The following MCTP2 variants were observed in gnomAD, a reference collection of about 807,000 sequenced individuals.
MCTP2 encodes multiple C2 and transmembrane domain containing 2.
MCTP2 carries 132 observed loss-of-function variants against 111.6 expected under a neutral mutation model. That is an observed-to-expected ratio of 1.18 (90% CI 1.03 to 1.37). The LOEUF (loss-of-function observed/expected upper bound fraction) is 1.37. Among genes scored for constraint, MCTP2 ranks in the 40% most tolerant of loss-of-function variants. The probability of loss-of-function intolerance (pLI) is 0.00; values close to 1 mark genes in which losing one functional copy is unlikely to be tolerated. For missense variants in MCTP2, 1,183 were observed against 1,067.9 expected (o/e 1.11, Z -1.50); for synonymous variants, 395 against 387.7 (o/e 1.02, Z -0.22).
At chr15:94,414,653 A>G (rs2082297208) in intron 17 of MCTP2, among the ~76,000 whole-genome samples, 1 of 152,082 alleles carries the variant, frequency 6.6e-6, no homozygotes, top group African/African-American at 2.4e-5. Flanking sequence ...CAGTGCAAGG[A>G]TTTTATTTGA....
intron 17 of MCTP2, among the ~76,000 whole-genome samples, chr15:94,406,134 G>A (rs1469378553): frequency 1.3e-5 from 2 of 152,118 alleles, no homozygotes; most frequent in African/African-American, 4.8e-5. Flanking sequence ...TTGACTATTT[G>A]AACTATTATT....
chr15:94,265,570 T>C (rs1347047742), intron 1 of MCTP2, among the ~76,000 whole-genome samples: 1 of 152,234 alleles, frequency 6.6e-6, no homozygotes, highest in Admixed American at 6.5e-5. Flanking sequence ...AAATAGCTTA[T>C]ATAAGATGTA....
chr15:94,371,773 C>T (rs538458107), intron 12 of MCTP2, among the ~76,000 whole-genome samples: 20 of 152,292 alleles, frequency 1.3e-4, no homozygotes, highest in Middle Eastern at 6.8e-3. Flanking sequence ...ACTGCAACCT[C>T]CGCCTACTGG....
chr15:94,243,658 T>G (rs1482180365), intron 1 of MCTP2, among the ~76,000 whole-genome samples: 3 of 148,514 alleles, frequency 2.0e-5, no homozygotes, highest in African/African-American at 7.4e-5. Context: ...TGTATACACA[T>G]ATGCGTATAT....
intron 22 of MCTP2, among the ~76,000 whole-genome samples, chr15:94,478,198 C>G (rs1030309322): frequency 6.6e-6 from 1 of 152,178 alleles, no homozygotes; most frequent in African/African-American, 2.4e-5. Flanking sequence ...ACACTGTATC[C>G]TTGAAGAACA....
intron 1 of MCTP2, among the ~76,000 whole-genome samples, chr15:94,286,282 CCTTTAT>C: frequency 6.6e-6 from 1 of 152,236 alleles, no homozygotes; most frequent in South Asian, 2.1e-4. Context: ...ATTACATTTG[CCTTTAT>C]CTTTATCATA....
At chr15:94,303,642 G>A (rs375492733) in intron 2 of MCTP2, among the ~76,000 whole-genome samples, 67 of 152,242 alleles carry the variant, frequency 4.4e-4, no homozygotes, top group African/African-American at 1.3e-3. Flanking sequence ...GAGTTGCCCC[G>A]TGGTTCAGTC....
intron 1 of MCTP2, among the ~76,000 whole-genome samples, chr15:94,293,413 C>T (rs2075117453): frequency 1.3e-5 from 2 of 152,152 alleles, no homozygotes; most frequent in African/African-American, 4.8e-5. Context: ...GACAGCTTAT[C>T]AAAGTAGATA....
chr15:94,361,710 A>G (rs1056388946), intron 10 of MCTP2, among the ~76,000 whole-genome samples: 4 of 152,228 alleles, frequency 2.6e-5, no homozygotes, highest in African/African-American at 9.6e-5. Context: ...CCTCCAAAAC[A>G]GCATAGAATT....
At chr15:94,449,119 AGGGG>A (rs1199428725) in intron 19 of MCTP2, among the ~76,000 whole-genome samples, 1 of 152,220 alleles carries the variant, frequency 6.6e-6, no homozygotes, top group Non-Finnish European at 1.5e-5. Flanking sequence ...ATTGATAGAA[AGGGG>A]GGATACCACT....
intron 1 of MCTP2, among the ~76,000 whole-genome samples, chr15:94,237,336 G>A (rs1567239106): frequency 6.6e-6 from 1 of 151,970 alleles, no homozygotes; most frequent in East Asian, 1.9e-4. Flanking sequence ...TGGCCTTTGA[G>A]ATATTTGAGA....
chr15:94,366,741 C>T (rs867622438), intron 10 of MCTP2, among the ~76,000 whole-genome samples: 2 of 152,078 alleles, frequency 1.3e-5, no homozygotes, highest in African/African-American at 4.8e-5. Context: ...ATACCATGCC[C>T]CACTTTACTC....
intron 8 of MCTP2, among the ~76,000 whole-genome samples, chr15:94,345,396 G>A (rs2077923433): frequency 6.8e-6 from 1 of 147,894 alleles, no homozygotes; most frequent in Admixed American, 7.4e-5. Flanking sequence ...TATATGTACC[G>A]GCCATGTTAG....
chr15:94,351,174 G>A (rs2078283973), intron 8 of MCTP2, among the ~76,000 whole-genome samples: 2 of 152,170 alleles, frequency 1.3e-5, no homozygotes, highest in South Asian at 4.1e-4. Flanking sequence ...TTTACATGTG[G>A]GAAATTTAAA....
chr15:94,409,123 A>G (rs2082034750), intron 17 of MCTP2, among the ~76,000 whole-genome samples: 1 of 152,172 alleles, frequency 6.6e-6, no homozygotes, highest in Non-Finnish European at 1.5e-5. Context: ...GGGCTGGGAA[A>G]GGCAGACCCA....
chr15:94,470,415 C>A lies in MCTP2; in HGVS notation c.2443C>A (p.Pro815Thr). The change falls in exon 21 of 23, where the codon CCA becomes ACA. Residue 815 changes from proline (P) to threonine (T), a missense_variant. Physicochemically the swap from Pro to Thr is conservative, Grantham distance 38. Coordinates refer to ENST00000357742, the MANE Select transcript of MCTP2 (RefSeq NM_001385001.1). ...AAATIILYFI[P>T]LRYIILIWGI... The stretch of plus-strand genomic sequence containing the variant: ...AGCCACCATCATTTTGTATTTCATT[C>A]CACTGCGGTACATCATTTTAATCTG... The A allele has an allele frequency of 6.2e-7, 1 of 1,612,482 alleles. No individual in the cohort carries two copies. The highest frequency in any genetic ancestry group is 8.5e-7 in the Non-Finnish European group (1 of 1,178,512).
chr15:94,380,779 A>AT (rs894966241), intron 12 of MCTP2, among the ~76,000 whole-genome samples: 1 of 151,768 alleles, frequency 6.6e-6, no homozygotes, highest in African/African-American at 2.4e-5. Flanking sequence ...AAAAAAAAAA[A>AT]GGGGGGGTTA....
chr15:94,249,548 C>T (rs1296336375), intron 1 of MCTP2, among the ~76,000 whole-genome samples: 5 of 151,364 alleles, frequency 3.3e-5, no homozygotes, highest in Admixed American at 6.6e-5. Context: ...TGCAGTGGCG[C>T]GATCTCAGCT....
intron 2 of MCTP2, among the ~76,000 whole-genome samples, chr15:94,306,863 G>C (rs1596317317): frequency 6.6e-6 from 1 of 152,198 alleles, no homozygotes; most frequent in Admixed American, 6.5e-5. Flanking sequence ...CTTCAGGTTA[G>C]TGATCACAGA....
Sources: allele counts gnomAD v4.1 joint callset (sites outside exome capture counted in the v4.1 genomes callset), GRCh38; gene constraint gnomAD v4.1.1; transcripts MANE v1.5; gene names NCBI Gene and HGNC (gene_info 2026-07-23, HGNC 2026-07-21).